The following INSYN2A variants were observed in gnomAD, a reference collection of about 807,000 sequenced individuals.
INSYN2A encodes the protein family with sequence similarity 196 member A.
INSYN2A carries 17 observed loss-of-function variants against 39.4 expected under a neutral mutation model. The ratio of observed to expected loss-of-function variants is 0.43; its 90% confidence interval spans 0.30 to 0.65. The LOEUF (loss-of-function observed/expected upper bound fraction) is 0.65. Among genes scored for constraint, INSYN2A ranks in the 30% least tolerant of loss-of-function variants. The probability of loss-of-function intolerance (pLI) is 0.14; values close to 1 mark genes in which losing one functional copy is unlikely to be tolerated. For synonymous variants in INSYN2A, 255 were observed against 265.7 expected, an observed-to-expected ratio of 0.96 and a Z score of 0.39; for missense variants, 595 against 631.2, an observed-to-expected ratio of 0.94 and a Z score of 0.61.
At chr10:127,142,385 G>A (rs1435277431) in intron 5 of INSYN2A, among the ~76,000 whole-genome samples, 1 of 152,172 alleles carries the variant, frequency 6.6e-6, no homozygotes, top group East Asian at 1.9e-4. Flanking sequence ...AGGTGGTGCT[G>A]CTGCCCTCCT....
At chr10:127,182,920 G>A (rs2055870643) in intron 2 of INSYN2A, among the ~76,000 whole-genome samples, 1 of 152,142 alleles carries the variant, frequency 6.6e-6, no homozygotes, top group Non-Finnish European at 1.5e-5. Context: ...TCAGCTGGTA[G>A]TTTGGGGCCC....
intron 4 of INSYN2A, among the ~76,000 whole-genome samples, chr10:127,168,550 G>T (rs2054283641): frequency 6.6e-6 from 1 of 152,244 alleles, no homozygotes; most frequent in Non-Finnish European, 1.5e-5. Context: ...TGCAGAGGCT[G>T]TTGAGAGACT....
chr10:127,161,930 A>T (rs1243181187), intron 4 of INSYN2A, among the ~76,000 whole-genome samples: 1 of 152,200 alleles, frequency 6.6e-6, no homozygotes, highest in Non-Finnish European at 1.5e-5. Context: ...TTCCAGAGAA[A>T]CTTAGCAGCT....
At chr10:127,177,919 A>G (rs546739822) in intron 2 of INSYN2A, among the ~76,000 whole-genome samples, 2 of 152,338 alleles carry the variant, frequency 1.3e-5, no homozygotes, top group South Asian at 4.1e-4. Context: ...TCGGTGTCAC[A>G]CAGGAAATAA....
chr10:127,169,097 G>C (rs1435973586), intron 4 of INSYN2A, among the ~76,000 whole-genome samples: 2 of 152,128 alleles, frequency 1.3e-5, no homozygotes, highest in Admixed American at 1.3e-4. Context: ...GTTCTGTGAT[G>C]GCTTTTTATT....
chr10:127,153,935 G>T lies in INSYN2A; in HGVS notation c.1185-12C>A. ...TCCGATATGAAAGCCTACAAGATAAGAACAGGAGAGCATTACAAGCGGTGG... is the reference window on the plus strand; with the variant it reads ...TCCGATATGAAAGCCTACAAGATAATAACAGGAGAGCATTACAAGCGGTGG... On this transcript the variant is annotated splice_polypyrimidine_tract_variant and intron_variant, in intron 4 of 5. Transcript: ENST00000522781. 6.2e-7 allele frequency: 1 copy of T among 1,609,500 alleles called. No individual in the cohort carries two copies. The highest frequency in any genetic ancestry group is 8.5e-7 in the Non-Finnish European group (1 of 1,175,824).
In INSYN2A at chr10:127,175,184, T is replaced by G. The variant is rs2054970135; in HGVS notation, c.1184+28A>C. The G allele has an allele frequency of 6.4e-7, 1 of 1,571,406 alleles. No homozygotes were observed. The highest frequency in any genetic ancestry group is 8.7e-7 in the Non-Finnish European group (1 of 1,152,070). On this transcript the variant is annotated intron_variant, in intron 4 of 5. Coordinates refer to ENST00000522781, the MANE Select transcript of INSYN2A (RefSeq NM_001039762.3). This position sits in a 1 kb window ranked among gnomAD's most constrained non-coding sequence, Gnocchi z 6.3. The stretch of plus-strand genomic sequence containing the variant: ...CTCTGTGGTGATCAGCCTGCATAGC[T>G]TCCTAAGACATGGGTGAACATACAT...
At chr10:127,169,344 T>C (rs2054356200) in intron 4 of INSYN2A, among the ~76,000 whole-genome samples, 1 of 152,194 alleles carries the variant, frequency 6.6e-6, no homozygotes, top group African/African-American at 2.4e-5. Flanking sequence ...CCTCATTGCC[T>C]GGCACAGTGT....
Position 127,170,119 on chromosome 10 carries a change from A to T in INSYN2A, c.1184+5093T>A, listed in dbSNP as rs372950637. 1.2e-4 allele frequency among the ~76,000 whole-genome samples: 18 copies of T among 151,998 alleles called. No individual in the cohort carries two copies. The South Asian group carries it at 2.7e-3, about 23-fold the overall frequency. On this transcript the variant is annotated intron_variant, in intron 4 of 5. Transcript: ENST00000522781. Reference sequence around the variant, plus strand: ...CTGCTGACAGGGAACTGCCCCCATGATGGGGTGGCAGGGATGATGGGAGGT... The same window carrying T: ...CTGCTGACAGGGAACTGCCCCCATGTTGGGGTGGCAGGGATGATGGGAGGT...
At chr10:127,189,684 T>A (rs1001707727) in intron 2 of INSYN2A, among the ~76,000 whole-genome samples, 4 of 152,072 alleles carry the variant, frequency 2.6e-5, no homozygotes, top group African/African-American at 9.7e-5. Flanking sequence ...AAATGAAAAA[T>A]ACGGTTTGAA....
rs1022725690 is a variant in INSYN2A at position 127,135,578 on chromosome 10, T to G, written c.*2259A>C. The G allele has an allele frequency of 6.5e-6, 1 of 152,676 alleles. No homozygotes were observed. 9.5% of individuals were successfully genotyped at this position (152,676 alleles called of 1,614,324 possible). A position where few individuals can be genotyped will look rare whatever the true frequency, so the allele number is the denominator to read the frequency against. ...TTGTATCAGCGTTTTTACTTGAATC[T>G]TTCCAAGAGAAGAATCACCATCTGT... On this transcript the variant is annotated 3_prime_UTR_variant, in exon 6 of 6. Transcript: ENST00000522781.
chr10:127,189,014 T>C (rs1355658164), intron 2 of INSYN2A, among the ~76,000 whole-genome samples: 1 of 152,024 alleles, frequency 6.6e-6, no homozygotes, highest in Non-Finnish European at 1.5e-5. Flanking sequence ...GCTCAGGTGG[T>C]CGGCTCCTAG....
intron 2 of INSYN2A, among the ~76,000 whole-genome samples, chr10:127,180,658 T>A (rs1263697560): frequency 1.3e-5 from 2 of 152,136 alleles, no homozygotes; most frequent in Non-Finnish European, 2.9e-5. Context: ...ATGGCTGATA[T>A]GAAAATGTGC....
At position 127,136,009 on chromosome 10, in the gene INSYN2A, A is replaced by C. The variant is rs1351551476; in HGVS notation, c.*1828T>G. On this transcript the variant is annotated 3_prime_UTR_variant, in exon 6 of 6. Coordinates refer to ENST00000522781, the MANE Select transcript of INSYN2A (RefSeq NM_001039762.3). Reference sequence around the variant, plus strand: ...ACACTTCCTTCATGTTACAGGATCAACTTCCTCATTGTTCTTGCACCAAAA... The same window carrying C: ...ACACTTCCTTCATGTTACAGGATCACCTTCCTCATTGTTCTTGCACCAAAA... The C allele has an allele frequency of 6.6e-6, 1 of 152,648 alleles. No individual in the cohort carries two copies. 9.5% of individuals were successfully genotyped at this position (152,648 alleles called of 1,614,324 possible).
chr10:127,156,729 C>T (rs796554000), intron 4 of INSYN2A, among the ~76,000 whole-genome samples: 8 of 151,876 alleles, frequency 5.3e-5, no homozygotes, highest in East Asian at 3.9e-4. Context: ...CCACCACTCC[C>T]GGCTAATTTT....
At chr10:127,189,192 G>A (rs780189037) in intron 2 of INSYN2A, among the ~76,000 whole-genome samples, 5 of 152,198 alleles carry the variant, frequency 3.3e-5, no homozygotes, top group African/African-American at 4.8e-5. Context: ...AAAACTGTAC[G>A]GTTGTCTTAG....
intron 2 of INSYN2A, among the ~76,000 whole-genome samples, chr10:127,191,483 C>T (rs182825968): frequency 1.3e-5 from 2 of 152,216 alleles, no homozygotes; most frequent in Non-Finnish European, 2.9e-5. Context: ...TTTAAGGATG[C>T]TAAAATCACT....
intron 1 of INSYN2A, among the ~76,000 whole-genome samples, chr10:127,193,662 T>C (rs549042355): frequency 1.3e-5 from 2 of 152,376 alleles, no homozygotes; most frequent in African/African-American, 4.8e-5. Context: ...TTTTGATTTT[T>C]GGACTGCTTA....
intron 4 of INSYN2A, among the ~76,000 whole-genome samples, chr10:127,155,025 T>C (rs1417311169): frequency 1.3e-5 from 2 of 152,160 alleles, no homozygotes; most frequent in Admixed American, 1.3e-4. Flanking sequence ...GGCACAGACA[T>C]GATAACCGGA....
Sources: gnomAD v4.1 joint callset for allele counts (sites outside exome capture counted in the v4.1 genomes callset) on GRCh38, gnomAD v4.1.1 for gene constraint, Gnocchi (gnomAD v3.1) non-coding constraint, MANE v1.5 for transcripts, NCBI Gene and HGNC (gene_info 2026-07-23, HGNC 2026-07-21) for gene names.